The following PCSK2 variants were observed in gnomAD, a reference collection of about 807,000 sequenced individuals.
PCSK2 encodes the protein neuroendocrine convertase 2.
In PCSK2, 14 loss-of-function variants were observed where a neutral mutation model predicts 69.7. The ratio of observed to expected loss-of-function variants is 0.20; its 90% CI spans 0.13 to 0.31. The LOEUF (loss-of-function observed/expected upper bound fraction) is 0.31, where lower values mean the gene tolerates loss of function less well. Among genes scored for constraint, PCSK2 ranks in the 10% least tolerant of loss-of-function variants. The pLI, the probability that PCSK2 is intolerant of heterozygous loss-of-function variation, is 1.00. For synonymous variants in PCSK2, 307 were observed against 320.7 expected, an observed-to-expected ratio of 0.96 and a Z score of 0.46; for missense variants, 544 against 842.5, an observed-to-expected ratio of 0.65 and a Z score of 4.39.
At chr20:17,335,793 G>A (rs1336974164) in intron 2 of PCSK2, among the ~76,000 whole-genome samples, 1 of 150,836 alleles carries the variant, frequency 6.6e-6, no homozygotes, top group Non-Finnish European at 1.5e-5. Context: ...ATGGTCTCCA[G>A]TCCCATCTGG....
At chr20:17,380,786 AT>A (rs1240476060) in intron 5 of PCSK2, among the ~76,000 whole-genome samples, 17 of 152,228 alleles carry the variant, frequency 1.1e-4, no homozygotes, top group Non-Finnish European at 4.4e-5. Flanking sequence ...AAGGACACAT[AT>A]GAATTTGCAG....
At chr20:17,237,151 T>A (rs930358994) in intron 1 of PCSK2, among the ~76,000 whole-genome samples, 1 of 151,928 alleles carries the variant, frequency 6.6e-6, no homozygotes, top group African/African-American at 2.4e-5. Flanking sequence ...GAAGAATAGG[T>A]AAATTGGAAA....
At chr20:17,301,164 T>G (rs1164995519) in intron 2 of PCSK2, among the ~76,000 whole-genome samples, 1 of 152,194 alleles carries the variant, frequency 6.6e-6, no homozygotes, top group African/African-American at 2.4e-5. Flanking sequence ...GCAAATGTAT[T>G]TGACGTTAGA....
At chr20:17,238,199 G>T (rs1986415878) in intron 1 of PCSK2, among the ~76,000 whole-genome samples, 1 of 152,132 alleles carries the variant, frequency 6.6e-6, no homozygotes, top group African/African-American at 2.4e-5. Flanking sequence ...CCTTCAAGAG[G>T]TATAGTGGTT....
intron 10 of PCSK2, chr20:17,463,824 A>G (rs2033053672): frequency 6.6e-6 from 1 of 152,180 alleles, no homozygotes; most frequent in South Asian, 2.1e-4. Flanking sequence ...TGAACTTTGC[A>G]TATGTTGAAA....
intron 1 of PCSK2, among the ~76,000 whole-genome samples, chr20:17,239,144 A>G (rs1986457225): frequency 1.3e-5 from 2 of 152,208 alleles, no homozygotes; most frequent in Non-Finnish European, 1.5e-5. Context: ...ATCCAGTGAC[A>G]GAGGAGAATA....
intron 2 of PCSK2, among the ~76,000 whole-genome samples, chr20:17,280,949 T>C (rs16998902): frequency 0.099 from 15,014 of 152,278 alleles, 962 homozygotes; most frequent in South Asian, 0.28. Context: ...GCATTTTCAC[T>C]TGTCTGGAAG....
chr20:17,308,329 T>C (rs1989395097), intron 2 of PCSK2, among the ~76,000 whole-genome samples: 1 of 152,088 alleles, frequency 6.6e-6, no homozygotes, highest in Non-Finnish European at 1.5e-5. Flanking sequence ...TCATATTACA[T>C]GATAATGTGA....
chr20:17,425,299 C>G (rs1294703042), intron 6 of PCSK2, among the ~76,000 whole-genome samples: 1 of 152,176 alleles, frequency 6.6e-6, no homozygotes, highest in Non-Finnish European at 1.5e-5. Context: ...CCCACTTCTA[C>G]ACACCAGCCT....
At chr20:17,414,309 G>C (rs188711605) in intron 6 of PCSK2, among the ~76,000 whole-genome samples, 2 of 152,282 alleles carry the variant, frequency 1.3e-5, no homozygotes, top group African/African-American at 2.4e-5. Flanking sequence ...AAGATGAAAA[G>C]AGAGAAAAAT....
chr20:17,372,651 C>T (rs975180201), intron 5 of PCSK2, among the ~76,000 whole-genome samples: 5 of 152,054 alleles, frequency 3.3e-5, no homozygotes, highest in Non-Finnish European at 7.4e-5. Flanking sequence ...GAGTCTTCAA[C>T]TTGTATCAAA....
At chr20:17,333,346 A>G (rs1292784545) in intron 2 of PCSK2, among the ~76,000 whole-genome samples, 1 of 152,208 alleles carries the variant, frequency 6.6e-6, no homozygotes, top group Non-Finnish European at 1.5e-5. Context: ...TACAAAGAAA[A>G]AGCAAGTAGA....
intron 5 of PCSK2, among the ~76,000 whole-genome samples, chr20:17,370,124 C>T (rs2030714011): frequency 6.6e-6 from 1 of 152,228 alleles, no homozygotes; most frequent in South Asian, 2.1e-4. Flanking sequence ...GTACAAGATT[C>T]AAGCATTGGT....
intron 2 of PCSK2, among the ~76,000 whole-genome samples, chr20:17,343,476 C>A (rs1318169075): frequency 6.6e-6 from 1 of 152,222 alleles, no homozygotes; most frequent in African/African-American, 2.4e-5. Context: ...TTGTCAGCAA[C>A]CAACCTCACT....
At chr20:17,293,984 C>T (rs1988782406) in intron 2 of PCSK2, among the ~76,000 whole-genome samples, 1 of 150,644 alleles carries the variant, frequency 6.6e-6, no homozygotes, top group Non-Finnish European at 1.5e-5. Flanking sequence ...AGCTTACTGT[C>T]TATTTAGGTT....
At chr20:17,370,928 C>T (rs1281301622) in intron 5 of PCSK2, among the ~76,000 whole-genome samples, 3 of 152,172 alleles carry the variant, frequency 2.0e-5, no homozygotes, top group Non-Finnish European at 2.9e-5. Flanking sequence ...GGGATCATGG[C>T]CTCCAGGGTC....
intron 6 of PCSK2, among the ~76,000 whole-genome samples, chr20:17,414,532 GGCAATAATT>G (rs2031953350): frequency 6.6e-6 from 1 of 152,156 alleles, no homozygotes; most frequent in African/African-American, 2.4e-5. Flanking sequence ...CTGAAATTGA[GGCAATAATT>G]AATAGCCTAC....
intron 10 of PCSK2, among the ~76,000 whole-genome samples, chr20:17,458,631 G>A (rs1177318365): frequency 6.6e-6 from 1 of 152,176 alleles, no homozygotes; most frequent in African/African-American, 2.4e-5. Context: ...CTTGAGATAA[G>A]GTTACAGGAA....
At chr20:17,424,291 C>T (rs2032196809) in intron 6 of PCSK2, among the ~76,000 whole-genome samples, 1 of 152,118 alleles carries the variant, frequency 6.6e-6, no homozygotes, top group Non-Finnish European at 1.5e-5. Flanking sequence ...AGATCATACA[C>T]TAGGAAATTT....
Sources: allele counts gnomAD v4.1 joint callset (sites outside exome capture counted in the v4.1 genomes callset), GRCh38; gene constraint gnomAD v4.1.1; transcripts MANE v1.5; gene names NCBI Gene and HGNC (gene_info 2026-07-23, HGNC 2026-07-21).